The following DLG2 variants were observed in gnomAD, a reference collection of about 807,000 sequenced individuals.
DLG2 encodes discs large MAGUK scaffold protein 2.
In DLG2, 45 loss-of-function variants were observed where a neutral mutation model predicts 132.5. The observed-to-expected ratio is 0.34, with a 90% CI of 0.27 to 0.44. DLG2 has a LOEUF of 0.44. Ranked by LOEUF, DLG2 falls within the 20% of genes least tolerant of loss-of-function variation. The probability of loss-of-function intolerance (pLI) is 1.00; values close to 1 mark genes in which losing one functional copy is unlikely to be tolerated. For synonymous variants in DLG2, 424 were observed against 419.6 expected, an observed-to-expected ratio of 1.01 and a Z score of -0.13; for missense variants, 1,045 against 1,196.9, an observed-to-expected ratio of 0.87 and a Z score of 1.87.
intron 3 of DLG2, among the ~76,000 whole-genome samples, chr11:85,347,797 C>CTTTTT (rs1168590401): frequency 1.1e-5 from 1 of 94,940 alleles, no homozygotes; most frequent in Admixed American, 1.1e-4. Context: ...AAGAGGCACT[C>CTTTTT]TTTTTTTTTT....
At chr11:84,843,375 T>C (rs958048153) in intron 6 of DLG2, among the ~76,000 whole-genome samples, 1 of 151,876 alleles carries the variant, frequency 6.6e-6, no homozygotes, top group Admixed American at 6.6e-5. Context: ...TGACTGTTGA[T>C]AGTTACTTGA....
chr11:84,373,278 A>AAAAAAAAAAAAAAAAC (rs1458716845), intron 7 of DLG2, among the ~76,000 whole-genome samples: 1 of 148,532 alleles, frequency 6.7e-6, no homozygotes, highest in Admixed American at 6.7e-5. Flanking sequence ...AACAAAAAAA[A>AAAAAAAAAAAAAAAAC]AACCCACCAG....
At chr11:85,134,052 G>T (rs2152417019) in intron 5 of DLG2, among the ~76,000 whole-genome samples, 2 of 152,144 alleles carry the variant, frequency 1.3e-5, no homozygotes, top group Middle Eastern at 6.8e-3. Context: ...GAGTGAGGGA[G>T]AGTGAGAGAG....
intron 3 of DLG2, among the ~76,000 whole-genome samples, chr11:85,496,528 A>T (rs1474935075): frequency 2.0e-5 from 3 of 152,134 alleles, no homozygotes; most frequent in African/African-American, 7.2e-5. Flanking sequence ...GCTTCCCCAT[A>T]CTTAAACGTC....
intron 6 of DLG2, among the ~76,000 whole-genome samples, chr11:84,597,317 G>C (rs887826715): frequency 6.6e-6 from 1 of 152,220 alleles, no homozygotes; most frequent in Admixed American, 6.5e-5. Context: ...TAATTACAAG[G>C]AGGGATAATG....
chr11:84,648,673 T>C (rs1428989920), intron 6 of DLG2, among the ~76,000 whole-genome samples: 1 of 151,974 alleles, frequency 6.6e-6, no homozygotes, highest in Non-Finnish European at 1.5e-5. Flanking sequence ...CTAGAACTGG[T>C]TATTGAAAAG....
chr11:85,457,912 C>G (rs909410150), intron 3 of DLG2, among the ~76,000 whole-genome samples: 1 of 152,046 alleles, frequency 6.6e-6, no homozygotes, highest in Non-Finnish European at 1.5e-5. Context: ...TTATGTGTCT[C>G]GGGGATGGTC....
At chr11:84,015,537 C>T (rs1186853261) in intron 11 of DLG2, among the ~76,000 whole-genome samples, 21 of 152,116 alleles carry the variant, frequency 1.4e-4, no homozygotes, top group Non-Finnish European at 4.4e-5. Context: ...CCTTTTTCCA[C>T]TCCCCACTCT....
At chr11:85,450,430 A>T (rs1455520694) in intron 3 of DLG2, among the ~76,000 whole-genome samples, 1 of 152,148 alleles carries the variant, frequency 6.6e-6, no homozygotes, top group Non-Finnish European at 1.5e-5. Flanking sequence ...CAGGATTACC[A>T]TAATTAGCAA....
At chr11:85,101,441 G>A (rs2070836420) in intron 6 of DLG2, among the ~76,000 whole-genome samples, 2 of 152,080 alleles carry the variant, frequency 1.3e-5, no homozygotes, top group African/African-American at 4.8e-5. Context: ...ACACTTCAAT[G>A]CCATTTTTAG....
chr11:84,613,085 T>C (rs930031435), intron 6 of DLG2, among the ~76,000 whole-genome samples: 2 of 152,152 alleles, frequency 1.3e-5, no homozygotes, highest in African/African-American at 2.4e-5. Flanking sequence ...GCAGTTGGGC[T>C]GATCGAGAAC....
At chr11:84,487,979 T>A (rs1325629263) in intron 7 of DLG2, among the ~76,000 whole-genome samples, 1 of 152,086 alleles carries the variant, frequency 6.6e-6, no homozygotes, top group Non-Finnish European at 1.5e-5. Context: ...AGAGGTAGAA[T>A]TGGATCAAAT....
At chr11:84,744,690 A>G (rs573250430) in intron 6 of DLG2, among the ~76,000 whole-genome samples, 54 of 152,306 alleles carry the variant, frequency 3.5e-4, no homozygotes, top group African/African-American at 1.3e-3. Context: ...TCAACTAATA[A>G]AAAAGGTACA....
chr11:85,154,519 G>A (rs1018566784), intron 5 of DLG2, 37 bp downstream of exon 5: 2 of 1,008,478 alleles, frequency 2.0e-6, no homozygotes, highest in Non-Finnish European at 3.0e-6. Flanking sequence ...TCTTACCCAT[G>A]AAGCCTAGTA....
intron 3 of DLG2, among the ~76,000 whole-genome samples, chr11:85,343,727 G>C (rs1163311016): frequency 6.6e-6 from 1 of 152,096 alleles, no homozygotes; most frequent in Non-Finnish European, 1.5e-5. Context: ...AGAGAGTGAT[G>C]ATGTATGGTT....
intron 4 of DLG2, among the ~76,000 whole-genome samples, chr11:85,272,167 G>C (rs186577841): frequency 7.9e-5 from 12 of 152,222 alleles, no homozygotes; most frequent in Admixed American, 7.2e-4. Context: ...CACAAGACTT[G>C]ATGGTTTTAT....
At chr11:83,517,003 T>C (rs1015826545) in intron 21 of DLG2, among the ~76,000 whole-genome samples, 4 of 152,224 alleles carry the variant, frequency 2.6e-5, no homozygotes, top group African/African-American at 4.8e-5. Flanking sequence ...TTATGTGTCT[T>C]GGAGTTGCTC....
intron 19 of DLG2, among the ~76,000 whole-genome samples, chr11:83,545,003 G>T (rs747516231): frequency 1.3e-5 from 2 of 152,202 alleles, no homozygotes; most frequent in Non-Finnish European, 2.9e-5. Flanking sequence ...TTACTGCTCA[G>T]TCCTTGTCCA....
chr11:84,050,290 A>C (rs2096341751), intron 11 of DLG2, among the ~76,000 whole-genome samples: 1 of 151,588 alleles, frequency 6.6e-6, no homozygotes, highest in Admixed American at 6.6e-5. Flanking sequence ...ATAAGATATC[A>C]AGAATGTCGA....
Sources: gnomAD v4.1 joint callset for allele counts (sites outside exome capture counted in the v4.1 genomes callset) on GRCh38, gnomAD v4.1.1 for gene constraint, MANE v1.5 for transcripts, NCBI Gene and HGNC (gene_info 2026-07-23, HGNC 2026-07-21) for gene names.